CDKL4: variants seen among roughly 807,000 people sequenced by gnomAD.
The protein encoded by CDKL4 is cyclin-dependent kinase-like 4.
In CDKL4, 44 loss-of-function variants were observed where a neutral mutation model predicts 42.0. The observed-to-expected ratio is 1.05, with a 90% confidence interval of 0.82 to 1.35. The LOEUF is 1.35. Among genes scored for constraint, CDKL4 ranks in the 40% most tolerant of loss-of-function variants. CDKL4 has a pLI of 0.00. For synonymous variants in CDKL4, 120 were observed against 121.6 expected, an observed-to-expected ratio of 0.99 and a Z score of 0.09; for missense variants, 393 against 369.9, an observed-to-expected ratio of 1.06 and a Z score of -0.51.
chr2:39,199,489 G>A (rs1485598565), intron 5 of CDKL4, among the ~76,000 whole-genome samples: 1 of 152,050 alleles, frequency 6.6e-6, no homozygotes, highest in Non-Finnish European at 1.5e-5. Flanking sequence ...ATCACTCTAT[G>A]AAGACAGTAT....
chr2:39,190,920 G>T lies in CDKL4; in HGVS notation c.455-418C>A, dbSNP rs1263898775. ...GAATGTGATCTTATTTGGAAATAAGGTTTTTGCAGATGTAATTAATTAGTC... is the reference window on the plus strand; with the variant it reads ...GAATGTGATCTTATTTGGAAATAAGTTTTTTGCAGATGTAATTAATTAGTC... On this transcript the variant is annotated intron_variant, in intron 5 of 9. Transcript: ENST00000451199. Among the ~76,000 whole-genome samples the T allele has an allele frequency of 2.6e-5, 4 of 152,220 alleles. No homozygotes were observed. In the East Asian group the frequency reaches 7.7e-4, roughly 29 times the overall value.
chr2:39,243,803 C>T lies in CDKL4; in HGVS notation c.-57+68G>A, dbSNP rs555651827. On this transcript the variant is annotated intron_variant, in intron 1 of 9. Coordinates refer to ENST00000451199, the Ensembl canonical transcript of CDKL4. Reference sequence around the variant, plus strand: ...CAACTGGGATCCGCAGTCTAGACCTCGCGGCTCACCCCATCAACCCCGCAC... The same window carrying T: ...CAACTGGGATCCGCAGTCTAGACCTTGCGGCTCACCCCATCAACCCCGCAC... Among the ~76,000 whole-genome samples, 7 of 152,370 alleles carry T rather than the reference C, an allele frequency of 4.6e-5. No individual in the cohort carries two copies. In the South Asian group the frequency reaches 1.4e-3, roughly 32 times the overall value.
intron 1 of CDKL4, among the ~76,000 whole-genome samples, chr2:39,234,494 T>C (rs1227603266): frequency 1.3e-5 from 2 of 152,180 alleles, no homozygotes; most frequent in Non-Finnish European, 2.9e-5. Flanking sequence ...TCCGAACGTA[T>C]GTACAACTGG....
upstream of CDKL4, among the ~76,000 whole-genome samples, chr2:39,246,329 C>A (rs1679911910): frequency 6.6e-6 from 1 of 152,214 alleles, no homozygotes; most frequent in Non-Finnish European, 1.5e-5. Flanking sequence ...AAATTCACAT[C>A]TATCCAATTC....
At chr2:39,197,490 CAT>C (rs1166000124) in intron 5 of CDKL4, among the ~76,000 whole-genome samples, 1 of 152,112 alleles carries the variant, frequency 6.6e-6, no homozygotes, top group Non-Finnish European at 1.5e-5. Context: ...ATCCCAAGAA[CAT>C]CAGGGAAATT....
In CDKL4 at chr2:39,240,653, A is replaced by G. The variant is rs145508147; in HGVS notation, c.-57+3218T>C. Among the ~76,000 whole-genome samples the G allele has an allele frequency of 4.2e-3, 640 of 151,248 alleles. 8 individuals carry two copies. The highest frequency in any genetic ancestry group is 0.014 in the African/African-American group (559 of 41,224). On this transcript the variant is annotated intron_variant, in intron 1 of 9. Coordinates refer to ENST00000451199, the Ensembl canonical transcript of CDKL4. The stretch of plus-strand genomic sequence containing the variant: ...ACTATTCAGCAACAAAAAGGAATGA[A>G]CTTGCTATAATGTAGATGAACATTA...
At chr2:39,216,493 A>C (rs575948335) in intron 3 of CDKL4, among the ~76,000 whole-genome samples, 101 of 152,350 alleles carry the variant, frequency 6.6e-4, no homozygotes, top group African/African-American at 2.3e-3. Context: ...AAAGAAATCA[A>C]GCAAGGAAGT....
At chr2:39,170,376 A>G in the CDKL4 span, among the ~76,000 whole-genome samples, 680 of 151,994 alleles carry the variant, frequency 4.5e-3, 7 homozygotes, top group African/African-American at 0.016. Context: ...TGTGAGTGGC[A>G]TTTTATCTTT....
At chr2:39,225,731 T>G in intron 3 of CDKL4, 108 bp downstream of exon 3, 1 of 1,102,422 alleles carries the variant, frequency 9.1e-7, no homozygotes, top group Non-Finnish European at 1.3e-6. Context: ...AGATGCATTG[T>G]GGTAGAAAGG....
intron 4 of CDKL4, among the ~76,000 whole-genome samples, chr2:39,206,031 C>A (rs948625722): frequency 6.8e-6 from 1 of 146,788 alleles, no homozygotes; most frequent in African/African-American, 2.5e-5. Context: ...GGCACGCTGA[C>A]CTCAAAGCAG....
Position 39,177,403 on chromosome 2 carries a change from GT to G in CDKL4, c.928-1308del, listed in dbSNP as rs538241800. On this transcript the variant is annotated intron_variant, in intron 9 of 9. Transcript: ENST00000451199. ...GCCAGTGTTGGGGGGAATCCAGTGA[GT>G]TTTTTTTTTTTTTTTTTGAGATGGA... 5.3e-3 allele frequency among the ~76,000 whole-genome samples: 728 copies of G among 136,484 alleles called. 6 individuals are homozygous for G. Among genetic ancestry groups the G allele is most frequent in the African/African-American group, 0.014 (527 of 37,346 alleles). 89.5% of individuals were successfully genotyped at this position (136,484 alleles called of 152,430 possible). A position where few individuals can be genotyped will look rare whatever the true frequency, so the allele number is the denominator to read the frequency against.
chr2:39,184,992 C>T (rs1296297058), intron 7 of CDKL4, among the ~76,000 whole-genome samples: 1 of 151,418 alleles, frequency 6.6e-6, no homozygotes, highest in African/African-American at 2.4e-5. Flanking sequence ...GCCTCAGTCT[C>T]CCAAAGTGCA....
chr2:39,170,534 G>A, the CDKL4 span, among the ~76,000 whole-genome samples: 2 of 152,014 alleles, frequency 1.3e-5, no homozygotes, highest in Non-Finnish European at 2.9e-5. Flanking sequence ...TTGGCTCACT[G>A]CGACCTCCAC....
chr2:39,213,397 T>C lies in CDKL4; in HGVS notation c.363+3A>G, dbSNP rs1677703456. On this transcript the variant is annotated splice_donor_region_variant and intron_variant, in intron 4 of 9. Transcript: ENST00000451199. ...AATAAATACATTAGAAAATGTTACT[T>C]ACGTTATGTATATGACAGAAATTAA... 7 of 1,550,636 alleles carry C rather than the reference T, an allele frequency of 4.5e-6. No individual in the cohort carries two copies. Among genetic ancestry groups the C allele is most frequent in the Non-Finnish European group, 6.2e-6 (7 of 1,124,828 alleles).
chr2:39,217,041 G>A lies in CDKL4; in HGVS notation c.291-3569C>T, dbSNP rs183307846. On this transcript the variant is annotated intron_variant, in intron 3 of 9. Transcript: ENST00000451199. Reference sequence around the variant, plus strand: ...GAACCACAAACCAACACCACAGATCGTGCAAAGAGAAGATAACCATCAAAG... The same window carrying A: ...GAACCACAAACCAACACCACAGATCATGCAAAGAGAAGATAACCATCAAAG... Among the ~76,000 whole-genome samples the A allele has an allele frequency of 9.7e-4, 148 of 152,144 alleles. 1 individual carries two copies. Among genetic ancestry groups the A allele is most frequent in the African/African-American group, 3.4e-3 (139 of 41,462 alleles).
chr2:39,218,226 T>C (rs1263433358), intron 3 of CDKL4, among the ~76,000 whole-genome samples: 1 of 141,842 alleles, frequency 7.1e-6, no homozygotes, highest in Non-Finnish European at 1.6e-5. Flanking sequence ...TTCTGCCAGG[T>C]GCAGTGGCTC....
intron 5 of CDKL4, among the ~76,000 whole-genome samples, chr2:39,203,950 G>C (rs1405989762): frequency 6.6e-6 from 1 of 152,160 alleles, no homozygotes; most frequent in African/African-American, 2.4e-5. Context: ...CCCAGACTGC[G>C]AGGTGTATGT....
At chr2:39,217,704 ATTTATTTAT>A (rs1259932839) in intron 3 of CDKL4, among the ~76,000 whole-genome samples, 2 of 2,848 alleles carry the variant, frequency 7.0e-4, no homozygotes, top group Non-Finnish European at 5.7e-3. Context: ...TTATTTTATT[ATTTATTTAT>A]TTATTTATTT....
chr2:39,173,841 G>A (rs1420884746), downstream of CDKL4, among the ~76,000 whole-genome samples: 1 of 149,384 alleles, frequency 6.7e-6, no homozygotes, highest in Admixed American at 6.7e-5. Context: ...AAATTAGCTG[G>A]GCATGGTGGC....
Sources: allele counts gnomAD v4.1 joint callset (sites outside exome capture counted in the v4.1 genomes callset), GRCh38; gene constraint gnomAD v4.1.1; transcripts MANE v1.5; gene names NCBI Gene and HGNC (gene_info 2026-07-23, HGNC 2026-07-21).